SETX: variants seen among roughly 807,000 people sequenced by gnomAD.
The protein encoded by SETX is helicase senataxin.
SETX carries 90 observed loss-of-function variants against 227.2 expected under a neutral mutation model. That is an observed-to-expected ratio of 0.40 (90% CI 0.33 to 0.47). The LOEUF is 0.47. Among genes scored for constraint, SETX ranks in the 20% least tolerant of loss-of-function variants. SETX has a pLI of 0.91. For missense variants in SETX, 3,052 were observed against 3,181.5 expected, an observed-to-expected ratio of 0.96 and a Z score of 0.98; for synonymous variants, 1,210 against 1,113.2, an observed-to-expected ratio of 1.09 and a Z score of -1.73.
chr9:132,349,218 C>T, intron 3 of SETX, 34 bp downstream of exon 3: 1 of 1,599,994 alleles, frequency 6.3e-7, no homozygotes, highest in Non-Finnish European at 8.6e-7. Context: ...AGCTATCAAG[C>T]TCTGAAAAAT....
chr9:132,341,368 C>T (rs1847949408), intron 5 of SETX, among the ~76,000 whole-genome samples: 1 of 152,158 alleles, frequency 6.6e-6, no homozygotes, highest in South Asian at 2.1e-4. Context: ...TTTGTTCTGT[C>T]AGAGCATGCG....
intron 20 of SETX, among the ~76,000 whole-genome samples, chr9:132,278,580 T>C (rs1469704749): frequency 2.0e-5 from 3 of 151,102 alleles, no homozygotes; most frequent in African/African-American, 7.3e-5. Flanking sequence ...TCTGGCCTCC[T>C]GAGTAGCTGG....
intron 12 of SETX, among the ~76,000 whole-genome samples, chr9:132,299,657 T>C (rs932695420): frequency 6.6e-6 from 1 of 152,210 alleles, no homozygotes; most frequent in African/African-American, 2.4e-5. Context: ...AAAAGGCAGT[T>C]TGGCATAAGA....
intron 12 of SETX, among the ~76,000 whole-genome samples, chr9:132,299,284 G>A (rs187528633): frequency 2.0e-5 from 3 of 152,310 alleles, no homozygotes; most frequent in Non-Finnish European, 4.4e-5. Flanking sequence ...GTTAACTTTT[G>A]GACTAGTGGA....
At chr9:132,356,200 TCC>T (rs542436233), upstream of SETX, among the ~76,000 whole-genome samples, 1 of 151,380 alleles carries the variant, frequency 6.6e-6, no homozygotes, top group Non-Finnish European at 1.5e-5. Context: ...GGAAAGCCTA[TCC>T]CCCCCCTTTT....
At chr9:132,274,445 T>TC (rs920463432) in intron 23 of SETX, among the ~76,000 whole-genome samples, 11 of 150,318 alleles carry the variant, frequency 7.3e-5, no homozygotes, top group East Asian at 3.9e-4. Flanking sequence ...TTTTTCTTTT[T>TC]TTTTTTTTTT....
At chr9:132,305,451 T>A (rs1284183675) in intron 11 of SETX, among the ~76,000 whole-genome samples, 2 of 151,878 alleles carry the variant, frequency 1.3e-5, no homozygotes, top group African/African-American at 4.8e-5. Flanking sequence ...ACTGGATATT[T>A]ACTCATTACA....
intron 10 of SETX, among the ~76,000 whole-genome samples, chr9:132,325,025 T>C (rs185341944): frequency 3.5e-4 from 54 of 152,122 alleles, no homozygotes; most frequent in South Asian, 1.0e-3. Flanking sequence ...TGTGCTGGGG[T>C]TGGGGAGGCT....
Position 132,286,406 on chromosome 9 carries a change from A to G in SETX, c.6396+17T>C. The stretch of plus-strand genomic sequence containing the variant: ...AAAAAAAAAAAATCAAGAAAATGCT[A>G]CAGGTGAACTACTTACCTCTTTAAT... On this transcript the variant is annotated intron_variant, in intron 18 of 25. Transcript: ENST00000224140. 1 of 1,573,306 alleles carries G rather than the reference A, an allele frequency of 6.4e-7. No individual in the cohort carries two copies. The highest frequency in any genetic ancestry group is 8.7e-7 in the Non-Finnish European group (1 of 1,153,844).
At chr9:132,321,291 G>A (rs939605754) in intron 10 of SETX, among the ~76,000 whole-genome samples, 4 of 152,104 alleles carry the variant, frequency 2.6e-5, no homozygotes, top group Admixed American at 2.6e-4. Context: ...AGGCCAAGGC[G>A]GGTGGATCAC....
chr9:132,352,801 T>C (rs771870923), intron 2 of SETX, among the ~76,000 whole-genome samples: 3 of 152,136 alleles, frequency 2.0e-5, no homozygotes, highest in Non-Finnish European at 4.4e-5. Context: ...CCCAACGAAG[T>C]CCTTCCCTTA....
chr9:132,282,566 AGG>A (rs1352262774), intron 19 of SETX, among the ~76,000 whole-genome samples: 2 of 152,114 alleles, frequency 1.3e-5, no homozygotes, highest in Non-Finnish European at 2.9e-5. Flanking sequence ...CCAGGATTAC[AGG>A]TGTGCACCAC....
intron 7 of SETX, among the ~76,000 whole-genome samples, chr9:132,333,160 CAT>C (rs1274153202): frequency 1.3e-4 from 19 of 151,360 alleles, no homozygotes; most frequent in African/African-American, 4.6e-4. Context: ...AGGCGGATCA[CAT>C]GAGACCAGGA....
At chr9:132,276,937 C>T (rs1211647705) in intron 22 of SETX, 123 bp downstream of exon 22, 1 of 834,798 alleles carries the variant, frequency 1.2e-6, no homozygotes, top group Non-Finnish European at 2.0e-6. Context: ...CTTAAGTGAA[C>T]ATGACTGTGC....
intron 20 of SETX, among the ~76,000 whole-genome samples, chr9:132,279,960 C>T (rs1843404908): frequency 6.6e-6 from 1 of 152,070 alleles, no homozygotes; most frequent in African/African-American, 2.4e-5. Flanking sequence ...TGTATACAAA[C>T]CATATACCAC....
intron 10 of SETX, among the ~76,000 whole-genome samples, chr9:132,322,920 A>G (rs1230497971): frequency 6.6e-6 from 1 of 152,208 alleles, no homozygotes; most frequent in Non-Finnish European, 1.5e-5. Flanking sequence ...GAGTTCCAGG[A>G]AACTAAAAAT....
rs754195613 is a variant in SETX at position 132,327,690 on chromosome 9, G to C, written c.3908C>G (p.Ser1303Cys). The change falls in exon 10 of 26, where the codon TCT (serine) becomes TGT (cysteine). Residue 1303 changes from serine to cysteine, a missense_variant. Transcript: ENST00000224140. Reference sequence around the variant, plus strand: ...ACGTAATTGAGCTACATAATCCAAAGACCGCTGGGACAACTCATATGCCTT... The same window carrying C: ...ACGTAATTGAGCTACATAATCCAAACACCGCTGGGACAACTCATATGCCTT... ...PRKAYELSQR[S>C]LDYVAQLRDH... The C allele has an allele frequency of 1.2e-6, 2 of 1,613,838 alleles. No individual in the cohort carries two copies. Among genetic ancestry groups the C allele is most frequent in the Admixed American group, 3.3e-5 (2 of 59,932 alleles).
chr9:132,308,653 A>C (rs1444317318), intron 11 of SETX, among the ~76,000 whole-genome samples: 2 of 152,230 alleles, frequency 1.3e-5, no homozygotes, highest in African/African-American at 2.4e-5. Flanking sequence ...CACTAACTGA[A>C]GATGACATGC....
rs759468738 is a variant in SETX at position 132,334,678 on chromosome 9, C to A, written c.768G>T (p.Leu256=). 41 of 1,613,966 alleles carry A rather than the reference C, an allele frequency of 2.5e-5. No individual in the cohort carries two copies. The highest frequency in any genetic ancestry group is 3.4e-5 in the Non-Finnish European group (40 of 1,179,960). ...CATTTTGTTTGTCTGAGCCCAACAA[C>A]AGGGAATCCATGGCTTGTTCCTCAA... ...TILEEQAMDS[L]LLGSDKQNDF... is the part of the protein sequence containing the mutation. The change falls in exon 7 of 26, where the codon CTG becomes CTT. Residue 256 remains leucine, a synonymous_variant. Coordinates refer to ENST00000224140, the MANE Select transcript of SETX (RefSeq NM_015046.7).
Sources: allele counts gnomAD v4.1 joint callset (sites outside exome capture counted in the v4.1 genomes callset), GRCh38; gene constraint gnomAD v4.1.1; transcripts MANE v1.5; gene names NCBI Gene and HGNC (gene_info 2026-07-23, HGNC 2026-07-21).